The following HSD17B3 variants were observed in gnomAD, a reference collection of about 807,000 sequenced individuals.
The protein encoded by HSD17B3 is 17-beta-hydroxysteroid dehydrogenase type 3.
A neutral mutation model predicts 41.1 loss-of-function variants in HSD17B3; 29 were observed. That is an observed-to-expected ratio of 0.71 (90% confidence interval 0.53 to 0.96). The LOEUF (loss-of-function observed/expected upper bound fraction) is 0.96, where lower values mean the gene tolerates loss of function less well. HSD17B3 is among the 40% of genes least tolerant of loss of function. The probability of loss-of-function intolerance (pLI) is 0.00; values close to 1 mark genes in which losing one functional copy is unlikely to be tolerated. For missense variants in HSD17B3, 323 were observed against 374.6 expected (o/e 0.86, Z 1.14); for synonymous variants, 126 against 145.6 (o/e 0.87, Z 0.97).
chr9:96,268,145 G>A (rs371558434), intron 2 of HSD17B3, among the ~76,000 whole-genome samples: 1 of 152,090 alleles, frequency 6.6e-6, no homozygotes, highest in Non-Finnish European at 1.5e-5. Context: ...GGCTGGTCTC[G>A]AACTCCTGGC....
rs12684447 is a variant in HSD17B3 at position 96,283,599 on chromosome 9, G to C, written c.201+14817C>G. On this transcript the variant is annotated intron_variant, in intron 2 of 10. Transcript: ENST00000375263. ...TCCTATAATTCTGATATGACTTACTGTATGTTAATTAATAATTATAATTGT... is the reference window on the plus strand; with the variant it reads ...TCCTATAATTCTGATATGACTTACTCTATGTTAATTAATAATTATAATTGT... Among the ~76,000 whole-genome samples, 26 of 152,156 alleles carry C rather than the reference G, an allele frequency of 1.7e-4. No individual in the cohort carries two copies. In the East Asian group the frequency reaches 5.0e-3, roughly 29 times the overall value.
intron 2 of HSD17B3, among the ~76,000 whole-genome samples, chr9:96,282,254 T>G (rs1826728401): frequency 6.6e-6 from 1 of 152,088 alleles, no homozygotes; most frequent in Admixed American, 6.6e-5. Flanking sequence ...TTATATATGT[T>G]GCATATGTGA....
At chr9:96,262,819 GTA>G (rs1446764413) in intron 2 of HSD17B3, among the ~76,000 whole-genome samples, 1 of 151,960 alleles carries the variant, frequency 6.6e-6, no homozygotes, top group Non-Finnish European at 1.5e-5. Context: ...GATTTTCCCA[GTA>G]TATGTTTTTT....
intron 6 of HSD17B3, among the ~76,000 whole-genome samples, 197 bp from the exon 7 acceptor site, chr9:96,246,787 C>T (rs1836683309): frequency 6.6e-6 from 1 of 152,160 alleles, no homozygotes; most frequent in South Asian, 2.1e-4. Flanking sequence ...AGGAGCCAAC[C>T]TAGACAAATG....
intron 2 of HSD17B3, among the ~76,000 whole-genome samples, chr9:96,262,929 G>C (rs1374797271): frequency 6.6e-6 from 1 of 152,140 alleles, no homozygotes; most frequent in Non-Finnish European, 1.5e-5. Flanking sequence ...CATATTTATT[G>C]AGATTGCAGA....
intron 2 of HSD17B3, among the ~76,000 whole-genome samples, chr9:96,256,888 C>T (rs554460888): frequency 2.0e-5 from 3 of 151,948 alleles, no homozygotes; most frequent in African/African-American, 7.2e-5. Context: ...GGAGGTGGGG[C>T]CTGATGGGAG....
At position 96,261,475 on chromosome 9, in the gene HSD17B3, A is replaced by G. The variant is rs544271167; in HGVS notation, c.202-6532T>C. Among the ~76,000 whole-genome samples the G allele has an allele frequency of 9.8e-5, 15 of 152,322 alleles. No homozygotes were observed. In the East Asian group the frequency reaches 2.7e-3, roughly 27 times the overall value. ...CTCCCAAAGTGCTGGGATTACAGGC[A>G]TGAGCCACTGCACTTGGCCCAAAAC... On this transcript the variant is annotated intron_variant, in intron 2 of 10. Coordinates refer to ENST00000375263, the MANE Select transcript of HSD17B3 (RefSeq NM_000197.2).
intron 2 of HSD17B3, among the ~76,000 whole-genome samples, chr9:96,295,343 TTTTTG>T (rs1224076777): frequency 0.018 from 2,619 of 148,848 alleles, 88 homozygotes; most frequent in African/African-American, 0.058. Flanking sequence ...TTTGTTTTTG[TTTTTG>T]TTTCAGACGA....
chr9:96,246,100 A>T (rs1180882417), intron 7 of HSD17B3, among the ~76,000 whole-genome samples: 1 of 152,164 alleles, frequency 6.6e-6, no homozygotes, highest in Non-Finnish European at 1.5e-5. Flanking sequence ...AGAAAAACCA[A>T]CTCCCAAATG....
chr9:96,302,112 C>A lies in HSD17B3; in HGVS notation c.-8G>T, dbSNP rs1049882146. On this transcript the variant is annotated 5_prime_UTR_variant, in exon 1 of 11. Coordinates refer to ENST00000375263, the MANE Select transcript of HSD17B3 (RefSeq NM_000197.2). ...TTCCAGGACGTCCCCCATGGCTGCA[C>A]TCAACAGACTGTTTCAGCCCTGGCC... 2 of 1,613,858 alleles carry A rather than the reference C, an allele frequency of 1.2e-6. No individual in the cohort carries two copies. The highest frequency in any genetic ancestry group is 3.3e-5 in the Admixed American group (2 of 59,996).
chr9:96,244,472 G>A, intron 8 of HSD17B3, 78 bp from the exon 9 acceptor site: 1 of 1,336,998 alleles, frequency 7.5e-7, no homozygotes, highest in Non-Finnish European at 1.1e-6. Flanking sequence ...ACTTCAAGGG[G>A]CACTGCAGAC....
rs1229231342 is a variant in HSD17B3 at position 96,297,179 on chromosome 9, AT to A, written c.201+1236del. On this transcript the variant is annotated intron_variant, in intron 2 of 10. Transcript: ENST00000375263. ...ATATCTTTCTCTTCAAGAATGTGGT[AT>A]TTTTTTCTCTTATTTGGAATATCTC... 2.0e-5 allele frequency among the ~76,000 whole-genome samples: 3 copies of A among 151,922 alleles called. No homozygotes were observed. In the South Asian group the frequency reaches 6.2e-4, roughly 32 times the overall value.
At chr9:96,295,975 A>G (rs1188053211) in intron 2 of HSD17B3, among the ~76,000 whole-genome samples, 1 of 151,940 alleles carries the variant, frequency 6.6e-6, no homozygotes, top group African/African-American at 2.4e-5. Context: ...CAGGCCAGGC[A>G]TGGTGGCTCA....
chr9:96,269,524 G>A (rs967077340), intron 2 of HSD17B3, among the ~76,000 whole-genome samples: 3 of 152,146 alleles, frequency 2.0e-5, no homozygotes, highest in Admixed American at 1.3e-4. Flanking sequence ...ATGTACTGAA[G>A]ATAAATGAAC....
chr9:96,269,581 T>C (rs1460619068), intron 2 of HSD17B3, among the ~76,000 whole-genome samples: 1 of 152,068 alleles, frequency 6.6e-6, no homozygotes, highest in African/African-American at 2.4e-5. Flanking sequence ...ATGGATGAAC[T>C]TCAGAAGCAT....
At chr9:96,260,412 C>A (rs1393654224) in intron 2 of HSD17B3, among the ~76,000 whole-genome samples, 1 of 152,182 alleles carries the variant, frequency 6.6e-6, no homozygotes, top group East Asian at 1.9e-4. Flanking sequence ...TCTGATCTAA[C>A]CAGCCCCTTG....
At chr9:96,237,543 G>T (rs192271854) in intron 10 of HSD17B3, among the ~76,000 whole-genome samples, 124 of 152,296 alleles carry the variant, frequency 8.1e-4, no homozygotes, top group Non-Finnish European at 1.2e-3. Flanking sequence ...TCCTGCCTCG[G>T]TCCCAGCCCC....
intron 2 of HSD17B3, among the ~76,000 whole-genome samples, chr9:96,279,305 A>G (rs550541944): frequency 2.6e-5 from 4 of 152,214 alleles, no homozygotes; most frequent in Non-Finnish European, 4.4e-5. Context: ...CAATACATGT[A>G]AGATGTACGT....
chr9:96,300,724 C>T (rs1827565448), intron 1 of HSD17B3, among the ~76,000 whole-genome samples: 2 of 152,034 alleles, frequency 1.3e-5, no homozygotes, highest in African/African-American at 4.8e-5. Context: ...ATGCTCTTCA[C>T]CTTAACTTCA....
Sources: gnomAD v4.1 joint callset for allele counts (sites outside exome capture counted in the v4.1 genomes callset) on GRCh38, gnomAD v4.1.1 for gene constraint, MANE v1.5 for transcripts, NCBI Gene and HGNC (gene_info 2026-07-23, HGNC 2026-07-21) for gene names.